Variants in RRAS2 observed in about 807,000 individuals in gnomAD.
RRAS2 encodes the protein ras-related protein R-Ras2.
A neutral mutation model predicts 27.6 loss-of-function variants in RRAS2; 7 were observed. The observed-to-expected ratio is 0.25, with a 90% CI of 0.14 to 0.48. The LOEUF is 0.48. Among genes scored for constraint, RRAS2 ranks in the 20% least tolerant of loss-of-function variants. RRAS2 has a pLI of 0.99. For missense variants in RRAS2, 178 were observed against 256.2 expected, an observed-to-expected ratio of 0.69 and a Z score of 2.08; for synonymous variants, 86 against 90.9, an observed-to-expected ratio of 0.95 and a Z score of 0.31.
intron 1 of RRAS2, among the ~76,000 whole-genome samples, chr11:14,317,111 A>C (rs898191237): frequency 2.6e-5 from 4 of 152,258 alleles, no homozygotes; most frequent in African/African-American, 9.6e-5. Context: ...GGAGGCATAG[A>C]TGTTAATGTA....
chr11:14,325,970 G>C (rs1554950958), intron 1 of RRAS2, among the ~76,000 whole-genome samples: 1 of 152,200 alleles, frequency 6.6e-6, no homozygotes, highest in Non-Finnish European at 1.5e-5. Flanking sequence ...GGAGGATCAA[G>C]TCTGGAATCT....
chr11:14,301,211 AT>A (rs1554947339), intron 1 of RRAS2, among the ~76,000 whole-genome samples: 1 of 152,222 alleles, frequency 6.6e-6, no homozygotes, highest in African/African-American at 2.4e-5. Context: ...CAACGTGTAT[AT>A]GGTTGTAGGT....
At chr11:14,359,637 C>G (rs1362351820), upstream of RRAS2, among the ~76,000 whole-genome samples, 12 of 152,138 alleles carry the variant, frequency 7.9e-5, no homozygotes, top group African/African-American at 2.9e-4. Context: ...AAGAATGGGA[C>G]AGTGGCTGAG....
intron 1 of RRAS2, among the ~76,000 whole-genome samples, chr11:14,324,232 T>C (rs782784338): frequency 6.6e-6 from 1 of 151,914 alleles, no homozygotes; most frequent in African/African-American, 2.4e-5. Flanking sequence ...AAAGTCTACA[T>C]AGTCCCCTCA....
At chr11:14,344,668 A>C (rs574026518) in intron 1 of RRAS2, among the ~76,000 whole-genome samples, 1 of 152,310 alleles carries the variant, frequency 6.6e-6, no homozygotes, top group South Asian at 2.1e-4. Context: ...ATTCATCAGG[A>C]AATAAAACAA....
intron 1 of RRAS2, among the ~76,000 whole-genome samples, chr11:14,319,811 GAAGT>G (rs1161879086): frequency 7.2e-5 from 11 of 152,302 alleles, no homozygotes; most frequent in African/African-American, 1.4e-4. Context: ...TTGGTGAAGA[GAAGT>G]AAGTATCAGT....
intron 1 of RRAS2, among the ~76,000 whole-genome samples, chr11:14,357,495 T>C (rs1220790250): frequency 2.0e-5 from 3 of 152,202 alleles, no homozygotes; most frequent in South Asian, 4.1e-4. Context: ...CTAATAAGCA[T>C]ACTGTAAATG....
intron 1 of RRAS2, among the ~76,000 whole-genome samples, chr11:14,325,166 CTGA>C (rs1848324089): frequency 6.6e-6 from 1 of 152,192 alleles, no homozygotes; most frequent in Admixed American, 6.5e-5. Context: ...CAAACTTACC[CTGA>C]TGTGAAGCCT....
chr11:14,315,193 G>C lies in RRAS2; in HGVS notation c.109-19338C>G, dbSNP rs77669181. ...TACAATATGGAAAAGGGTTGGGGCA[G>C]GGAGCAACTTCATAGTAGAGAAACC... On this transcript the variant is annotated intron_variant, in intron 1 of 5. Transcript: ENST00000256196. 3.7e-3 allele frequency among the ~76,000 whole-genome samples: 568 copies of C among 152,314 alleles called. 1 individual carries two copies. The highest frequency in any genetic ancestry group is 6.6e-3 in the Non-Finnish European group (448 of 68,028).
At chr11:14,293,223 A>G (rs1278720269) in intron 4 of RRAS2, among the ~76,000 whole-genome samples, 5 of 147,448 alleles carry the variant, frequency 3.4e-5, no homozygotes. Context: ...TTATGTACAC[A>G]GCTAAAATCA....
chr11:14,294,863 C>A lies in RRAS2; in HGVS notation c.197-1G>T. On this transcript the variant is annotated splice_acceptor_variant, in intron 2 of 5. Coordinates refer to ENST00000256196, the MANE Select transcript of RRAS2 (RefSeq NM_012250.6). LOFTEE classifies it high-confidence loss of function. Reference sequence around the variant, plus strand: ...TCTTCTTGTCCTGCTGTATCCAAAACTAAAGAAAAAACAACAAATGTAATT... The same window carrying A: ...TCTTCTTGTCCTGCTGTATCCAAAAATAAAGAAAAAACAACAAATGTAATT... 6.2e-7 allele frequency: 1 copy of A among 1,612,312 alleles called. No homozygotes were observed. The highest frequency in any genetic ancestry group is 8.5e-7 in the Non-Finnish European group (1 of 1,178,850).
chr11:14,281,685 C>G lies in RRAS2; in HGVS notation c.444G>C (p.Gln148His), dbSNP rs1849540328. 1.3e-6 allele frequency: 2 copies of G among 1,596,854 alleles called. No homozygotes were observed. The highest frequency in any genetic ancestry group is 2.3e-5 in the East Asian group (1 of 44,182). Residue 148 changes from glutamine (Q) to histidine (H), a missense_variant, in exon 5 of 6, where the codon CAG becomes CAC. Gln to His is a conservative substitution (Grantham distance 24). Transcript: ENST00000256196. ...ATGCCTCCATGTATGTTACCTTAAG[C>G]TGCCGTGCTAACTGTTGTCCTTCTT... ...TQEEGQQLARQLKVTYMEASA... is the reference protein window; with the variant it reads ...TQEEGQQLARHLKVTYMEASA...
At position 14,325,629 on chromosome 11, in the gene RRAS2, T is replaced by C. The variant is rs562398909; in HGVS notation, c.109-29774A>G. Among the ~76,000 whole-genome samples, 4 of 152,352 alleles carry C rather than the reference T, an allele frequency of 2.6e-5. No homozygotes were observed. The South Asian group carries it at 8.3e-4, about 32-fold the overall frequency. Reference sequence around the variant, plus strand: ...TCAATATTTTTATTTTAGAATGGCATTAAGTTTGTAGATTAACAATTAGAA... The same window carrying C: ...TCAATATTTTTATTTTAGAATGGCACTAAGTTTGTAGATTAACAATTAGAA... On this transcript the variant is annotated intron_variant, in intron 1 of 5. Transcript: ENST00000256196.
At chr11:14,334,528 A>C (rs907045974) in intron 1 of RRAS2, among the ~76,000 whole-genome samples, 40 of 150,902 alleles carry the variant, frequency 2.7e-4, no homozygotes, top group African/African-American at 9.3e-4. Context: ...AAGCATCCAT[A>C]CATACACACA....
chr11:14,312,559 G>C (rs1236289756), intron 1 of RRAS2, among the ~76,000 whole-genome samples: 1 of 152,022 alleles, frequency 6.6e-6, no homozygotes, highest in Middle Eastern at 3.2e-3. Context: ...AGCTGGGACT[G>C]TAGGTGCATG....
chr11:14,351,514 GT>G (rs1198440508), intron 1 of RRAS2, among the ~76,000 whole-genome samples: 17 of 152,116 alleles, frequency 1.1e-4, no homozygotes, highest in African/African-American at 4.1e-4. Flanking sequence ...ATCACATAAG[GT>G]CAGGAGTTCA....
chr11:14,314,669 A>G (rs1238551159), intron 1 of RRAS2, among the ~76,000 whole-genome samples: 1 of 152,204 alleles, frequency 6.6e-6, no homozygotes, highest in African/African-American at 2.4e-5. Context: ...CAAATCTTTG[A>G]ATGCAGGCAC....
intron 1 of RRAS2, among the ~76,000 whole-genome samples, chr11:14,315,716 A>G (rs1006332418): frequency 9.2e-5 from 14 of 152,192 alleles, no homozygotes; most frequent in Middle Eastern, 3.2e-3. Context: ...CTGTAACTCT[A>G]AAGTTCTTAA....
chr11:14,352,444 A>C (rs1208238411), intron 1 of RRAS2, among the ~76,000 whole-genome samples: 3 of 152,222 alleles, frequency 2.0e-5, no homozygotes, highest in African/African-American at 7.2e-5. Flanking sequence ...TTTGCAAAAG[A>C]AATAAATCTA....
Sources: allele counts gnomAD v4.1 joint callset (sites outside exome capture counted in the v4.1 genomes callset), GRCh38; gene constraint gnomAD v4.1.1; transcripts MANE v1.5; gene names NCBI Gene and HGNC (gene_info 2026-07-23, HGNC 2026-07-21).